HCN1: variants seen among roughly 807,000 people sequenced by gnomAD.
HCN1 encodes hyperpolarization activated cyclic nucleotide gated potassium channel 1, also known as potassium/sodium hyperpolarization-activated cyclic nucleotide-gated channel 1.
HCN1 carries 13 observed loss-of-function variants against 78.9 expected under a neutral mutation model. The observed-to-expected ratio is 0.16, with a 90% CI of 0.11 to 0.26. The LOEUF (loss-of-function observed/expected upper bound fraction) is 0.26. Ranked by LOEUF, HCN1 falls within the 10% of genes least tolerant of loss-of-function variation. The probability of loss-of-function intolerance (pLI) is 1.00; values close to 1 mark genes in which losing one functional copy is unlikely to be tolerated. For synonymous variants in HCN1, 552 were observed against 455.5 expected (o/e 1.21, Z -2.70); for missense variants, 810 against 1,154.3 (o/e 0.70, Z 4.32).
At chr5:45,588,426 A>G (rs1182326579) in intron 2 of HCN1, among the ~76,000 whole-genome samples, 1 of 152,192 alleles carries the variant, frequency 6.6e-6, no homozygotes, top group Non-Finnish European at 1.5e-5. Flanking sequence ...ATGTTATAGA[A>G]TCTCATCATT....
intron 2 of HCN1, among the ~76,000 whole-genome samples, chr5:45,527,932 GTT>G (rs34937140): frequency 0.011 from 1,595 of 145,676 alleles, 23 homozygotes; most frequent in African/African-American, 0.034. Flanking sequence ...TAAATTTAGG[GTT>G]TTTTTTTTTT....
chr5:45,367,699 G>A (rs962989751), intron 4 of HCN1, among the ~76,000 whole-genome samples: 11 of 151,814 alleles, frequency 7.2e-5, no homozygotes, highest in Non-Finnish European at 1.0e-4. Context: ...TTCCAAATAA[G>A]TTTCCTGAAG....
chr5:45,321,411 G>A (rs1390142729), intron 5 of HCN1, among the ~76,000 whole-genome samples: 1 of 151,180 alleles, frequency 6.6e-6, no homozygotes, highest in African/African-American at 2.5e-5. Context: ...AGGCTACAGA[G>A]CTAGAATATG....
At chr5:45,341,942 A>G (rs7709262) in intron 5 of HCN1, among the ~76,000 whole-genome samples, 52,115 of 151,902 alleles carry the variant, frequency 0.34, 11,811 homozygotes, top group African/African-American at 0.63. Flanking sequence ...CTACCTTATC[A>G]TCTCAATTTG....
At chr5:45,609,198 T>A (rs912391341) in intron 2 of HCN1, among the ~76,000 whole-genome samples, 4 of 152,120 alleles carry the variant, frequency 2.6e-5, no homozygotes, top group South Asian at 2.1e-4. Flanking sequence ...CCATATCTTG[T>A]AACTTGCAAT....
intron 2 of HCN1, among the ~76,000 whole-genome samples, chr5:45,624,350 G>A (rs186868501): frequency 1.3e-5 from 2 of 152,276 alleles, no homozygotes. Flanking sequence ...GTTAGAAGTG[G>A]TCAGACTCCA....
At chr5:45,530,961 T>C (rs1367874592) in intron 2 of HCN1, among the ~76,000 whole-genome samples, 4 of 152,008 alleles carry the variant, frequency 2.6e-5, no homozygotes. Flanking sequence ...GTGGTGGTGG[T>C]AGACAGGTTT....
intron 1 of HCN1, among the ~76,000 whole-genome samples, chr5:45,654,990 A>C (rs1580022640): frequency 6.6e-6 from 1 of 152,280 alleles, no homozygotes; most frequent in Admixed American, 6.5e-5. Flanking sequence ...CAGATGTCAA[A>C]GAATCTTTAT....
chr5:45,498,657 T>C (rs990541950), intron 2 of HCN1, among the ~76,000 whole-genome samples: 3 of 152,136 alleles, frequency 2.0e-5, no homozygotes, highest in Non-Finnish European at 4.4e-5. Context: ...GGAGGAGAGG[T>C]GCTCTGCTTT....
chr5:45,524,734 T>C (rs1266580110), intron 2 of HCN1, among the ~76,000 whole-genome samples: 1 of 152,132 alleles, frequency 6.6e-6, no homozygotes, highest in Non-Finnish European at 1.5e-5. Flanking sequence ...CTGAAGTTGC[T>C]TATCAGCTTA....
chr5:45,394,222 G>A (rs1379375493), intron 4 of HCN1, among the ~76,000 whole-genome samples: 1 of 152,122 alleles, frequency 6.6e-6, no homozygotes, highest in Admixed American at 6.6e-5. Flanking sequence ...GTCAAGGAAG[G>A]CTAGATACAC....
intron 2 of HCN1, among the ~76,000 whole-genome samples, chr5:45,612,465 T>C (rs1744857686): frequency 6.6e-6 from 1 of 152,200 alleles, no homozygotes; most frequent in South Asian, 2.1e-4. Context: ...TACTGATTAA[T>C]ATTGAAATCA....
At chr5:45,546,975 C>T (rs1234639184) in intron 2 of HCN1, among the ~76,000 whole-genome samples, 2 of 151,898 alleles carry the variant, frequency 1.3e-5, no homozygotes, top group African/African-American at 4.8e-5. Flanking sequence ...TCTTCTATGT[C>T]TCTCAGTCTT....
chr5:45,270,355 G>C (rs1053657080), intron 6 of HCN1, among the ~76,000 whole-genome samples: 1 of 152,164 alleles, frequency 6.6e-6, no homozygotes, highest in Non-Finnish European at 1.5e-5. Context: ...CGGAATATTT[G>C]GTAAATCGGA....
chr5:45,513,288 T>C (rs1216575023), intron 2 of HCN1, among the ~76,000 whole-genome samples: 4 of 152,106 alleles, frequency 2.6e-5, no homozygotes, highest in African/African-American at 4.8e-5. Flanking sequence ...ATAATACATA[T>C]AACTCTGAAG....
chr5:45,589,534 G>A (rs1286706042), intron 2 of HCN1, among the ~76,000 whole-genome samples: 1 of 152,108 alleles, frequency 6.6e-6, no homozygotes, highest in African/African-American at 2.4e-5. Context: ...GGAAATTAGG[G>A]CTTTTGCATG....
intron 1 of HCN1, among the ~76,000 whole-genome samples, chr5:45,671,974 TA>T (rs1173938019): frequency 2.0e-5 from 3 of 151,644 alleles, no homozygotes; most frequent in Non-Finnish European, 4.4e-5. Flanking sequence ...TTAAATCCTT[TA>T]GTTAAAATCT....
At chr5:45,534,178 C>T (rs1014601705) in intron 2 of HCN1, among the ~76,000 whole-genome samples, 2 of 151,262 alleles carry the variant, frequency 1.3e-5, no homozygotes, top group African/African-American at 4.9e-5. Context: ...GGTGGATCAC[C>T]TGAGGTCAGG....
chr5:45,646,535 C>A (rs1745553739), intron 1 of HCN1, among the ~76,000 whole-genome samples: 1 of 151,066 alleles, frequency 6.6e-6, no homozygotes, highest in South Asian at 2.1e-4. Context: ...CCATGCCCAG[C>A]TAAAAAAAAA....
Sources: gnomAD v4.1 joint callset for allele counts (sites outside exome capture counted in the v4.1 genomes callset) on GRCh38, gnomAD v4.1.1 for gene constraint, MANE v1.5 for transcripts, NCBI Gene and HGNC (gene_info 2026-07-23, HGNC 2026-07-21) for gene names.